Variants in UMAD1 observed in about 807,000 individuals in gnomAD.
UMAD1 encodes UBAP1-MVB12-associated (UMA)-domain containing protein 1.
In UMAD1, 8 loss-of-function variants were observed where a neutral mutation model predicts 6.1. The ratio of observed to expected loss-of-function variants is 1.30; its 90% CI spans 0.76 to 2.35. UMAD1 has a LOEUF of 2.35. UMAD1 is among the 30% of genes most tolerant of loss of function. UMAD1 has a pLI of 0.00. For missense variants in UMAD1, 130 were observed against 78.4 expected (o/e 1.66, Z -2.49); for synonymous variants, 56 against 31.4 (o/e 1.78, Z -2.61).
Position 7,877,462 on chromosome 7 carries a change from C to G in UMAD1, c.338C>G (p.Ser113Cys), listed in dbSNP as rs751380851. The change falls in exon 4 of 4, where the codon TCC becomes TGC. Residue 113 changes from serine to cysteine, a missense_variant. Transcript: ENST00000682710. ...ACTGACCTTCCCGACCACTTACTCT[C>G]CTATGATGGCAGCGAAAACTTATCA... ...TITDLPDHLL[S>C]YDGSENLSRF... The G allele has an allele frequency of 2.8e-5, 20 of 717,550 alleles. No homozygotes were observed. The highest frequency in any genetic ancestry group is 4.7e-5 in the Non-Finnish European group (18 of 385,138). 44.4% of individuals were successfully genotyped at this position (717,550 alleles called of 1,614,324 possible). A position where few individuals can be genotyped will look rare whatever the true frequency, so the allele number is the denominator to read the frequency against.
intron 2 of UMAD1, among the ~76,000 whole-genome samples, chr7:7,675,240 T>G (rs1017074875): frequency 6.6e-6 from 1 of 152,192 alleles, no homozygotes; most frequent in Admixed American, 6.5e-5. Flanking sequence ...AGGCTGTAAG[T>G]TGGGTGTACT....
chr7:7,741,468 C>G (rs1157334173), intron 2 of UMAD1, among the ~76,000 whole-genome samples: 1 of 151,218 alleles, frequency 6.6e-6, no homozygotes, highest in Non-Finnish European at 1.5e-5. Flanking sequence ...TCCCAGCCAC[C>G]CGGGAGGCTG....
chr7:7,720,771 G>C (rs1449390534), intron 2 of UMAD1, among the ~76,000 whole-genome samples: 3 of 152,156 alleles, frequency 2.0e-5, no homozygotes, highest in Non-Finnish European at 4.4e-5. Flanking sequence ...GCTAAGTGCA[G>C]GTGTGCTGCC....
At chr7:7,799,079 CTTAT>C (rs530806752) in intron 2 of UMAD1, among the ~76,000 whole-genome samples, 496 of 151,934 alleles carry the variant, frequency 3.3e-3, no homozygotes, top group Non-Finnish European at 5.7e-3. Flanking sequence ...CCCATTTTTG[CTTAT>C]TTATTTTTAT....
At chr7:7,662,901 A>G (rs1785510463) in intron 1 of UMAD1, among the ~76,000 whole-genome samples, 1 of 152,252 alleles carries the variant, frequency 6.6e-6, no homozygotes, top group Admixed American at 6.5e-5. Flanking sequence ...TATTTATAGT[A>G]TGCTAGAAAC....
chr7:7,644,834 C>G (rs1279550285), intron 1 of UMAD1, among the ~76,000 whole-genome samples: 1 of 152,114 alleles, frequency 6.6e-6, no homozygotes, highest in African/African-American at 2.4e-5. Context: ...TAGAATGTAG[C>G]TTATGAATTT....
At chr7:7,702,298 C>T (rs899961199) in intron 2 of UMAD1, among the ~76,000 whole-genome samples, 62 of 152,264 alleles carry the variant, frequency 4.1e-4, no homozygotes, top group Non-Finnish European at 5.0e-4. Flanking sequence ...TCTTCAGGGA[C>T]TAGAGTTCCT....
intron 2 of UMAD1, among the ~76,000 whole-genome samples, chr7:7,700,935 A>G (rs541988474): frequency 2.0e-5 from 3 of 152,220 alleles, no homozygotes; most frequent in East Asian, 3.9e-4. Flanking sequence ...CTGTAGTCCC[A>G]CCTACATGGA....
intron 2 of UMAD1, among the ~76,000 whole-genome samples, chr7:7,683,014 C>T (rs947674533): frequency 3.3e-5 from 5 of 152,182 alleles, no homozygotes; most frequent in Admixed American, 1.3e-4. Flanking sequence ...TAGGTTAGGC[C>T]ATCCCCGTGT....
chr7:7,705,803 C>T (rs534301845), intron 2 of UMAD1, among the ~76,000 whole-genome samples: 11 of 152,022 alleles, frequency 7.2e-5, no homozygotes, highest in African/African-American at 2.2e-4. Context: ...TTGGTGATAG[C>T]GATGTGTCAG....
chr7:7,673,504 A>C (rs1779663787), intron 2 of UMAD1, 51 bp downstream of exon 2: 2 of 678,898 alleles, frequency 2.9e-6, no homozygotes, highest in African/African-American at 3.6e-5. Context: ...TTCTCTTTAA[A>C]AAATTACTTG....
intron 1 of UMAD1, among the ~76,000 whole-genome samples, chr7:7,660,862 G>A (rs1329067245): frequency 1.3e-5 from 2 of 152,172 alleles, no homozygotes; most frequent in African/African-American, 4.8e-5. Context: ...TGCTAGGTTG[G>A]AGAAGTTCTC....
rs902200416 is a variant in UMAD1, at chr7:7,879,089, C to T, written c.*1551C>T. The T allele has an allele frequency of 6.6e-6, 1 of 152,068 alleles. No individual in the cohort carries two copies. Among genetic ancestry groups the T allele is most frequent in the South Asian group, 2.1e-4 (1 of 4,830 alleles). 9.4% of individuals were successfully genotyped at this position (152,068 alleles called of 1,614,324 possible). A position where few individuals can be genotyped will look rare whatever the true frequency, so the allele number is the denominator to read the frequency against. On this transcript the variant is annotated 3_prime_UTR_variant, in exon 4 of 4. Coordinates refer to ENST00000682710, the MANE Select transcript of UMAD1 (RefSeq NM_001302348.2). ...TTGTGTGAAATTTTGTCGAAAATAC[C>T]TAAACATTTCATCTATATTTGTGCC...
At chr7:7,868,895 A>C (rs577324202) in intron 3 of UMAD1, among the ~76,000 whole-genome samples, 1 of 152,336 alleles carries the variant, frequency 6.6e-6, no homozygotes, top group East Asian at 1.9e-4. Context: ...CTGAAAAAGA[A>C]GGGGACCAGA....
chr7:7,845,197 AT>A (rs1362322874), intron 3 of UMAD1, among the ~76,000 whole-genome samples: 2 of 152,090 alleles, frequency 1.3e-5, no homozygotes, highest in Non-Finnish European at 2.9e-5. Flanking sequence ...TATACCAATT[AT>A]GTTTTGGACT....
At chr7:7,847,154 T>TATATATATA (rs1783819541) in intron 3 of UMAD1, among the ~76,000 whole-genome samples, 6 of 107,530 alleles carry the variant, frequency 5.6e-5, no homozygotes, top group Admixed American at 1.1e-4. Flanking sequence ...TATATATATA[T>TATATATATA]TTGATCATAA....
chr7:7,730,890 G>A (rs1433233103), intron 2 of UMAD1, among the ~76,000 whole-genome samples: 2 of 152,192 alleles, frequency 1.3e-5, no homozygotes, highest in Non-Finnish European at 2.9e-5. Flanking sequence ...AGCAGTGGCG[G>A]GAATGGTGGT....
intron 2 of UMAD1, among the ~76,000 whole-genome samples, chr7:7,700,594 A>G (rs1277636923): frequency 6.6e-6 from 1 of 152,044 alleles, no homozygotes; most frequent in African/African-American, 2.4e-5. Flanking sequence ...CAAACAAACA[A>G]AAACACCAAA....
intron 3 of UMAD1, among the ~76,000 whole-genome samples, chr7:7,807,396 G>A (rs749982093): frequency 5.3e-5 from 8 of 152,074 alleles, no homozygotes; most frequent in Non-Finnish European, 1.2e-4. Context: ...CTTTACACAC[G>A]TGAATCTCAA....
Sources: allele counts gnomAD v4.1 joint callset (sites outside exome capture counted in the v4.1 genomes callset), GRCh38; gene constraint gnomAD v4.1.1; transcripts MANE v1.5; gene names NCBI Gene and HGNC (gene_info 2026-07-23, HGNC 2026-07-21).